ABLIM3: variants seen among roughly 807,000 people sequenced by gnomAD.
ABLIM3 encodes the protein actin-binding LIM protein 3.
In ABLIM3, 61 loss-of-function variants were observed where a neutral mutation model predicts 109.5. The observed-to-expected ratio is 0.56, with a 90% CI of 0.45 to 0.69. The LOEUF is 0.69. Among genes scored for constraint, ABLIM3 ranks in the 30% least tolerant of loss-of-function variants. ABLIM3 has a pLI of 0.00. For missense variants in ABLIM3, 796 were observed against 889.5 expected, an observed-to-expected ratio of 0.89 and a Z score of 1.34; for synonymous variants, 300 against 324.8, an observed-to-expected ratio of 0.92 and a Z score of 0.82.
chr5:149,210,903 C>A, intron 7 of ABLIM3, 84 bp downstream of exon 7: 1 of 1,294,860 alleles, frequency 7.7e-7, no homozygotes, highest in South Asian at 1.2e-5. Flanking sequence ...AGAAAGTCAT[C>A]CCATACCTTT....
intron 19 of ABLIM3, 87 bp from the exon 20 acceptor site, chr5:149,250,360 G>A (rs1753800694): frequency 7.4e-7 from 1 of 1,357,394 alleles, no homozygotes; most frequent in East Asian, 2.3e-5. Context: ...GTTGGGAGCA[G>A]TGTTGGCCAT....
chr5:149,221,337 C>T (rs371214916), intron 8 of ABLIM3, among the ~76,000 whole-genome samples: 1 of 152,156 alleles, frequency 6.6e-6, no homozygotes, highest in African/African-American at 2.4e-5. Context: ...CATAAAGCAA[C>T]TTATATAAGA....
At chr5:149,238,207 G>C (rs942230652) in intron 11 of ABLIM3, among the ~76,000 whole-genome samples, 3 of 152,164 alleles carry the variant, frequency 2.0e-5, no homozygotes, top group Non-Finnish European at 2.9e-5. Flanking sequence ...TTCTGGAGAT[G>C]GCAGCAGGGT....
At chr5:149,224,289 G>T (rs906422685) in intron 8 of ABLIM3, among the ~76,000 whole-genome samples, 1 of 152,038 alleles carries the variant, frequency 6.6e-6, no homozygotes, top group Non-Finnish European at 1.5e-5. Flanking sequence ...ATTATTTCTC[G>T]TGAATTACAA....
At chr5:149,216,847 G>A in intron 7 of ABLIM3, 112 bp from the exon 8 acceptor site, 1 of 942,214 alleles carries the variant, frequency 1.1e-6, no homozygotes, top group Non-Finnish European at 1.7e-6. Context: ...CAACTTTAGG[G>A]CCATGAAGAT....
intron 8 of ABLIM3, among the ~76,000 whole-genome samples, chr5:149,221,353 A>G (rs1036168927): frequency 3.9e-5 from 6 of 152,120 alleles, no homozygotes; most frequent in African/African-American, 1.4e-4. Flanking sequence ...TAAGAGAGAG[A>G]GAGTGTTGGG....
intron 2 of ABLIM3, among the ~76,000 whole-genome samples, chr5:149,178,094 T>C (rs188849726): frequency 2.0e-5 from 3 of 152,208 alleles, no homozygotes; most frequent in Admixed American, 2.0e-4. Context: ...GGCCTCACTG[T>C]AGGAAACAGG....
chr5:149,171,746 T>C (rs1755455502), intron 2 of ABLIM3, among the ~76,000 whole-genome samples: 1 of 152,246 alleles, frequency 6.6e-6, no homozygotes, highest in Non-Finnish European at 1.5e-5. Context: ...CTGACTGCTT[T>C]AGTGACCACT....
chr5:149,212,848 G>A lies in ABLIM3; in HGVS notation c.669+2029G>A, dbSNP rs191039069. The stretch of plus-strand genomic sequence containing the variant: ...AGTCAGAAATACGGATCAGAGGCTG[G>A]GAGTGGTGGCTCACACCTGTAATCC... On this transcript the variant is annotated intron_variant, in intron 7 of 23. Transcript: ENST00000309868. 2.5e-3 allele frequency among the ~76,000 whole-genome samples: 378 copies of A among 152,280 alleles called. 3 individuals carry two copies. Among genetic ancestry groups the A allele is most frequent in the African/African-American group, 8.8e-3 (367 of 41,556 alleles).
chr5:149,243,905 C>T (rs1463626058), intron 15 of ABLIM3: 1 of 152,360 alleles, frequency 6.6e-6, no homozygotes, highest in Non-Finnish European at 1.5e-5. Flanking sequence ...GAGGGGCTGC[C>T]CAGGACCCAA....
At chr5:149,233,001 A>C (rs532310213) in intron 9 of ABLIM3, among the ~76,000 whole-genome samples, 1 of 152,282 alleles carries the variant, frequency 6.6e-6, no homozygotes, top group South Asian at 2.1e-4. Context: ...GCAAATACGT[A>C]GAAAATAAAT....
intron 20 of ABLIM3, among the ~76,000 whole-genome samples, 194 bp from the exon 21 acceptor site, chr5:149,251,165 T>C (rs1753887280): frequency 6.6e-6 from 1 of 152,172 alleles, no homozygotes; most frequent in African/African-American, 2.4e-5. Flanking sequence ...TGGATATATA[T>C]TGAGTAGCCA....
chr5:149,230,366 G>A (rs1391731924), intron 8 of ABLIM3, among the ~76,000 whole-genome samples: 1 of 152,160 alleles, frequency 6.6e-6, no homozygotes, highest in Non-Finnish European at 1.5e-5. Context: ...GATCACAAAG[G>A]ACAGAGAAGT....
At chr5:149,239,048 A>G (rs1442155335) in intron 11 of ABLIM3, among the ~76,000 whole-genome samples, 200 bp from the exon 12 acceptor site, 1 of 152,160 alleles carries the variant, frequency 6.6e-6, no homozygotes, top group Non-Finnish European at 1.5e-5. Context: ...AAAGGCGGGC[A>G]TAATCTCGAG....
intron 20 of ABLIM3, 97 bp downstream of exon 20, chr5:149,250,602 C>A: frequency 7.0e-7 from 1 of 1,420,282 alleles, no homozygotes; most frequent in Non-Finnish European, 9.8e-7. Context: ...GAGCAAAGGT[C>A]CTGGGGCTAG....
At chr5:149,217,299 C>T in intron 8 of ABLIM3, 1 of 533,278 alleles carries the variant, frequency 1.9e-6, no homozygotes, top group Non-Finnish European at 3.4e-6. Context: ...GGACTGCTTC[C>T]CTGGCAGTGC....
intron 2 of ABLIM3, among the ~76,000 whole-genome samples, chr5:149,172,957 A>G (rs13165166): frequency 6.0e-4 from 91 of 152,386 alleles, no homozygotes; most frequent in Non-Finnish European, 1.1e-3. Flanking sequence ...ACTGAATGAC[A>G]GACAAGGAAG....
In ABLIM3 at chr5:149,247,807, T is replaced by C. The variant is rs1753527572; in HGVS notation, c.1577T>C (p.Ile526Thr). The change falls in exon 18 of 24, where the codon ATT (isoleucine) becomes ACT (threonine). Residue 526 changes from isoleucine to threonine, a missense_variant. Coordinates refer to ENST00000309868, the MANE Select transcript of ABLIM3 (RefSeq NM_014945.5). ...HKLQSGIGRL[I>T]LKEEMKARSS... is the part of the protein sequence containing the mutation. ...CTCCAAAGTGGAATTGGCCGGCTGA[T>C]TCTGAAGGAAGAAATGAAGGCCCGG... 7 of 1,614,236 alleles carry C rather than the reference T, an allele frequency of 4.3e-6. No homozygotes were observed. Among genetic ancestry groups the C allele is most frequent in the Non-Finnish European group, 5.9e-6 (7 of 1,180,038 alleles).
At chr5:149,183,836 T>C (rs1756693381) in intron 3 of ABLIM3, among the ~76,000 whole-genome samples, 1 of 152,204 alleles carries the variant, frequency 6.6e-6, no homozygotes, top group Admixed American at 6.5e-5. Flanking sequence ...GGAAAAAGAC[T>C]AATCTGCAAG....
Sources: allele counts gnomAD v4.1 joint callset (sites outside exome capture counted in the v4.1 genomes callset), GRCh38; gene constraint gnomAD v4.1.1; transcripts MANE v1.5; gene names NCBI Gene and HGNC (gene_info 2026-07-23, HGNC 2026-07-21).